Variants in SASH1 observed in about 807,000 individuals in gnomAD.
SASH1 encodes SAM and SH3 domain containing 1.
SASH1 carries 44 observed loss-of-function variants against 125.2 expected under a neutral mutation model. The observed-to-expected ratio is 0.35, with a 90% CI of 0.28 to 0.45. SASH1 has a LOEUF of 0.45. Among genes scored for constraint, SASH1 ranks in the 20% least tolerant of loss-of-function variants. The pLI is 1.00. For missense variants in SASH1, 1,426 were observed against 1,614.5 expected (o/e 0.88, Z 2.00); for synonymous variants, 639 against 649.1 (o/e 0.98, Z 0.24).
chr6:148,237,901 G>A, the SASH1 span, among the ~76,000 whole-genome samples: 3 of 152,208 alleles, frequency 2.0e-5, no homozygotes, highest in African/African-American at 7.2e-5. Flanking sequence ...GCTTTATGAC[G>A]GGTCTGCCAT....
chr6:148,260,229 T>C, the SASH1 span, among the ~76,000 whole-genome samples: 7 of 152,188 alleles, frequency 4.6e-5, no homozygotes, highest in Admixed American at 4.6e-4. Flanking sequence ...TTTCATAATG[T>C]TTTTCTCACT....
chr6:148,348,058 G>A (rs1230115397), intron 1 of SASH1, among the ~76,000 whole-genome samples: 1 of 152,054 alleles, frequency 6.6e-6, no homozygotes, highest in Non-Finnish European at 1.5e-5. Context: ...CCAGGCTGGA[G>A]TGCAGTGGTG....
chr6:148,269,509 C>T (rs557070907), upstream of SASH1, among the ~76,000 whole-genome samples: 39 of 152,310 alleles, frequency 2.6e-4, no homozygotes, highest in Admixed American at 7.2e-4. Flanking sequence ...ACCTCAGCCT[C>T]GCAAAGTGCT....
intron 1 of SASH1, among the ~76,000 whole-genome samples, chr6:148,350,258 G>C (rs1781681435): frequency 6.6e-6 from 1 of 152,162 alleles, no homozygotes; most frequent in Non-Finnish European, 1.5e-5. Flanking sequence ...AGTTAGACCA[G>C]CCTGGGTAAC....
chr6:148,194,257 T>C, the SASH1 span, among the ~76,000 whole-genome samples: 1 of 152,150 alleles, frequency 6.6e-6, no homozygotes, highest in Non-Finnish European at 1.5e-5. Flanking sequence ...TATAGTGGAG[T>C]AAACTGAAGT....
intron 1 of SASH1, among the ~76,000 whole-genome samples, chr6:148,335,981 T>C: frequency 6.6e-6 from 1 of 152,074 alleles, no homozygotes; most frequent in Admixed American, 6.6e-5. Flanking sequence ...AGAGAAAGGT[T>C]ATAATGATGA....
chr6:148,306,433 C>A (rs1780132014), intron 1 of SASH1, among the ~76,000 whole-genome samples: 1 of 152,296 alleles, frequency 6.6e-6, no homozygotes, highest in Non-Finnish European at 1.5e-5. Flanking sequence ...CCCAGGGAAA[C>A]TCTTGTTGAT....
chr6:148,309,813 T>C (rs1339521005), intron 1 of SASH1, among the ~76,000 whole-genome samples: 2 of 152,124 alleles, frequency 1.3e-5, no homozygotes, highest in Middle Eastern at 3.4e-3. Context: ...TGTACAAGGG[T>C]ATCATTCATT....
intron 7 of SASH1, among the ~76,000 whole-genome samples, chr6:148,487,032 TTATATATA>T (rs201990312): frequency 0.23 from 27,261 of 120,936 alleles, 4,620 homozygotes; most frequent in Middle Eastern, 0.36. Context: ...TATATATTTG[TTATATATA>T]TTTGTTTTAT....
intron 2 of SASH1, among the ~76,000 whole-genome samples, chr6:148,425,135 G>T (rs1169577047): frequency 6.6e-6 from 1 of 152,196 alleles, no homozygotes; most frequent in Non-Finnish European, 1.5e-5. Context: ...CAGGCATGGA[G>T]TCCAAGGTGC....
chr6:148,271,893 A>G (rs1017376978), upstream of SASH1, among the ~76,000 whole-genome samples: 2 of 152,214 alleles, frequency 1.3e-5, no homozygotes, highest in South Asian at 4.1e-4. Flanking sequence ...TGGAAAAACT[A>G]TATTCAATGA....
At chr6:148,500,219 A>ATTTT (rs35731806) in intron 8 of SASH1, among the ~76,000 whole-genome samples, 1 of 145,884 alleles carries the variant, frequency 6.9e-6, no homozygotes, top group African/African-American at 2.5e-5. Flanking sequence ...CTGACAATAG[A>ATTTT]TTTTTTTTTT....
chr6:148,193,871 G>T, the SASH1 span, among the ~76,000 whole-genome samples: 4 of 152,300 alleles, frequency 2.6e-5, no homozygotes, highest in Non-Finnish European at 4.4e-5. Context: ...GGCATGTAAG[G>T]CTTTATGACT....
intron 7 of SASH1, among the ~76,000 whole-genome samples, chr6:148,476,553 G>A (rs949439927): frequency 2.6e-5 from 4 of 152,138 alleles, no homozygotes; most frequent in East Asian, 1.9e-4. Flanking sequence ...GTGGTGGCAC[G>A]TGTCTGTAGC....
At chr6:148,337,145 G>A (rs374959872) in intron 1 of SASH1, among the ~76,000 whole-genome samples, 7 of 151,804 alleles carry the variant, frequency 4.6e-5, no homozygotes, top group East Asian at 3.9e-4. Context: ...TGCAACCTCC[G>A]CCTCTCGGGC....
chr6:148,414,782 C>T (rs1784758733), intron 2 of SASH1, among the ~76,000 whole-genome samples: 1 of 152,144 alleles, frequency 6.6e-6, no homozygotes, highest in South Asian at 2.1e-4. Flanking sequence ...TCTCTTGCCT[C>T]AGCCTCCTGA....
rs1018901894 is a variant in SASH1 at position 148,495,257 on chromosome 6, A to G, written c.729+7542A>G. On this transcript the variant is annotated intron_variant, in intron 8 of 19. Transcript: ENST00000367467. This position sits in a 1 kb window ranked among gnomAD's most constrained non-coding sequence, Gnocchi z 4.0. Reference sequence around the variant, plus strand: ...GGTTAACAGTGTAATCCCTTTTTATAGAATATGGCGGAAGAACAGTGCACA... The same window carrying G: ...GGTTAACAGTGTAATCCCTTTTTATGGAATATGGCGGAAGAACAGTGCACA... Among the ~76,000 whole-genome samples the G allele has an allele frequency of 6.6e-6, 1 of 152,194 alleles. No individual in the cohort carries two copies. Among genetic ancestry groups the G allele is most frequent in the Non-Finnish European group, 1.5e-5 (1 of 68,036 alleles).
chr6:148,296,251 G>A (rs949305056), intron 1 of SASH1, among the ~76,000 whole-genome samples: 5 of 151,998 alleles, frequency 3.3e-5, no homozygotes, highest in Admixed American at 1.3e-4. Flanking sequence ...TCAGCATCCC[G>A]AGTAGCTGGG....
At chr6:148,245,595 G>T in the SASH1 span, among the ~76,000 whole-genome samples, 3 of 152,066 alleles carry the variant, frequency 2.0e-5, no homozygotes. Context: ...ATAACTGAAG[G>T]GACTTTTTTC....
Sources: allele counts gnomAD v4.1 joint callset (sites outside exome capture counted in the v4.1 genomes callset), GRCh38; gene constraint gnomAD v4.1.1; non-coding constraint Gnocchi (gnomAD v3.1); transcripts MANE v1.5; gene names NCBI Gene and HGNC (gene_info 2026-07-23, HGNC 2026-07-21).